The following ZNF420 variants were observed in gnomAD, a reference collection of about 807,000 sequenced individuals.
The protein encoded by ZNF420 is zinc finger protein 420.
A neutral mutation model predicts 44.7 loss-of-function variants in ZNF420; 31 were observed. The ratio of observed to expected loss-of-function variants is 0.69; its 90% CI spans 0.52 to 0.94. The LOEUF is 0.94. Among genes scored for constraint, ZNF420 ranks in the 40% least tolerant of loss-of-function variants. ZNF420 has a pLI of 0.00. For missense variants in ZNF420, 681 were observed against 827.9 expected (o/e 0.82, Z 2.18); for synonymous variants, 245 against 267.4 (o/e 0.92, Z 0.82).
intron 4 of ZNF420, among the ~76,000 whole-genome samples, chr19:37,112,709 A>T (rs187692817): frequency 3.3e-5 from 5 of 152,314 alleles, no homozygotes; most frequent in Admixed American, 3.3e-4. Context: ...TAAGGCAGGA[A>T]TAATTAAGCA....
At chr19:37,024,911 C>G (rs1967125380) in intron 1 of ZNF420, 1 of 165,726 alleles carries the variant, frequency 6.0e-6, no homozygotes, top group Non-Finnish European at 1.4e-5. Flanking sequence ...TATGAGTACT[C>G]TGATATTGAG....
chr19:37,076,397 T>C (rs1189071538), upstream of ZNF420, among the ~76,000 whole-genome samples: 1 of 152,180 alleles, frequency 6.6e-6, no homozygotes, highest in African/African-American at 2.4e-5. Context: ...TATTATACTT[T>C]AAGTTCTAGG....
intron 1 of ZNF420, among the ~76,000 whole-genome samples, chr19:37,033,837 A>G (rs865920299): frequency 3.3e-5 from 5 of 152,076 alleles, no homozygotes; most frequent in South Asian, 2.1e-4. Flanking sequence ...GCTCACTGAC[A>G]CCTCCGCCTC....
At chr19:37,049,644 A>C (rs962689686) in intron 1 of ZNF420, among the ~76,000 whole-genome samples, 1 of 152,046 alleles carries the variant, frequency 6.6e-6, no homozygotes, top group African/African-American at 2.4e-5. Flanking sequence ...AGGTTGCGAA[A>C]ATTTTCTCCC....
chr19:37,130,170 C>G lies in ZNF420; in HGVS notation c.*1112C>G. The G allele has an allele frequency of 6.5e-7, 1 of 1,550,272 alleles. No homozygotes were observed. The stretch of plus-strand genomic sequence containing the variant: ...TGGAGCTCCGTTACTCTCATGGGGA[C>G]TTTGAGAATGGTATCTGGGTGTTAT... On this transcript the variant is annotated 3_prime_UTR_variant, in exon 5 of 5. Coordinates refer to ENST00000337995, the MANE Select transcript of ZNF420 (RefSeq NM_144689.5).
intron 1 of ZNF420, among the ~76,000 whole-genome samples, chr19:37,067,915 T>A (rs1428164241): frequency 6.6e-6 from 1 of 152,208 alleles, no homozygotes; most frequent in Non-Finnish European, 1.5e-5. Flanking sequence ...TTCCTGCCAA[T>A]GACATTGGCA....
intron 2 of ZNF420, among the ~76,000 whole-genome samples, chr19:37,080,594 C>T (rs763726962): frequency 5.9e-5 from 9 of 152,092 alleles, no homozygotes; most frequent in Non-Finnish European, 8.8e-5. Context: ...ATTTGAGACT[C>T]ATGGATTTAA....
intron 1 of ZNF420, among the ~76,000 whole-genome samples, chr19:37,040,420 A>T (rs912413372): frequency 2.0e-5 from 3 of 152,188 alleles, no homozygotes; most frequent in Non-Finnish European, 4.4e-5. Context: ...CAGACCACTT[A>T]AACTTTCTCC....
At chr19:37,079,554 C>A (rs993384092) in intron 1 of ZNF420, among the ~76,000 whole-genome samples, 2 of 152,180 alleles carry the variant, frequency 1.3e-5, no homozygotes, top group African/African-American at 4.8e-5. Context: ...TACGAGTTCA[C>A]GACTTCTTCC....
intron 1 of ZNF420, among the ~76,000 whole-genome samples, chr19:37,055,665 C>G (rs1967732338): frequency 6.6e-6 from 1 of 152,218 alleles, no homozygotes; most frequent in Non-Finnish European, 1.5e-5. Context: ...CCAATGGTTG[C>G]CTGAGGACGA....
At chr19:37,110,266 T>C (rs1970316620) in intron 4 of ZNF420, among the ~76,000 whole-genome samples, 1 of 152,214 alleles carries the variant, frequency 6.6e-6, no homozygotes, top group Non-Finnish European at 1.5e-5. Context: ...CATAACGCAT[T>C]AGGACACAGA....
chr19:37,015,518 G>A (rs2074603096), intron 1 of ZNF420, among the ~76,000 whole-genome samples: 1 of 152,174 alleles, frequency 6.6e-6, no homozygotes, highest in East Asian at 1.9e-4. Context: ...GGCAGGGCAG[G>A]AGCTTAAGGA....
At chr19:37,125,799 TG>T (rs1971312848) in intron 4 of ZNF420, among the ~76,000 whole-genome samples, 1 of 8,776 alleles carries the variant, frequency 1.1e-4, no homozygotes, top group African/African-American at 1.6e-3. Flanking sequence ...TCCAAATTTT[TG>T]AAATTTGAGC....
upstream of ZNF420, among the ~76,000 whole-genome samples, chr19:37,074,536 G>A (rs957404412): frequency 1.3e-5 from 2 of 152,148 alleles, no homozygotes; most frequent in African/African-American, 4.8e-5. Flanking sequence ...ACTGTAATGT[G>A]TGACCTTAAT....
intron 4 of ZNF420, among the ~76,000 whole-genome samples, chr19:37,105,135 T>A (rs1341601895): frequency 6.6e-6 from 1 of 152,240 alleles, no homozygotes; most frequent in African/African-American, 2.4e-5. Context: ...GTTTTAGGTC[T>A]AACATTTAAG....
At chr19:37,059,839 T>A (rs1967840090) in intron 1 of ZNF420, among the ~76,000 whole-genome samples, 1 of 152,078 alleles carries the variant, frequency 6.6e-6, no homozygotes. Context: ...TGTGTGCGTA[T>A]GTGTATGTGT....
At chr19:37,084,029 TG>T (rs1395365161) in intron 2 of ZNF420, among the ~76,000 whole-genome samples, 4 of 152,190 alleles carry the variant, frequency 2.6e-5, no homozygotes, top group Non-Finnish European at 5.9e-5. Flanking sequence ...TAATGATTAA[TG>T]ATATTAAGAT....
chr19:37,110,931 G>T (rs2146661414), intron 4 of ZNF420, among the ~76,000 whole-genome samples: 1 of 152,306 alleles, frequency 6.6e-6, no homozygotes, highest in East Asian at 1.9e-4. Context: ...CACAAAATCA[G>T]CAAGACCAAT....
intron 1 of ZNF420, among the ~76,000 whole-genome samples, chr19:37,053,708 C>T (rs932410470): frequency 3.3e-5 from 5 of 152,078 alleles, no homozygotes; most frequent in Non-Finnish European, 5.9e-5. Flanking sequence ...GCTGCCTGAT[C>T]GTTCCTCTGA....
Sources: allele counts gnomAD v4.1 joint callset (sites outside exome capture counted in the v4.1 genomes callset), GRCh38; gene constraint gnomAD v4.1.1; transcripts MANE v1.5; gene names NCBI Gene and HGNC (gene_info 2026-07-23, HGNC 2026-07-21).